DENND2B: variants seen among roughly 807,000 people sequenced by gnomAD.
DENND2B encodes the protein DENN domain containing 2B.
In DENND2B, 32 loss-of-function variants were observed where a neutral mutation model predicts 116.0. That is an observed-to-expected ratio of 0.28 (90% CI 0.21 to 0.37). DENND2B has a LOEUF of 0.37. Among genes scored for constraint, DENND2B ranks in the 10% least tolerant of loss-of-function variants. The pLI is 1.00. For synonymous variants in DENND2B, 588 were observed against 583.9 expected (o/e 1.01, Z -0.10); for missense variants, 1,276 against 1,477.7 (o/e 0.86, Z 2.24).
At chr11:8,787,258 C>G (rs1251480484) in intron 1 of DENND2B, 2 of 152,122 alleles carry the variant, frequency 1.3e-5, no homozygotes, top group Non-Finnish European at 2.9e-5. Context: ...AAAATATGCT[C>G]TATGCTATAA....
chr11:8,790,825 G>T (rs1053345102), intron 1 of DENND2B, among the ~76,000 whole-genome samples: 1 of 152,072 alleles, frequency 6.6e-6, no homozygotes, highest in Non-Finnish European at 1.5e-5. Flanking sequence ...AATGATGCTC[G>T]CTAAATCCTG....
chr11:8,827,254 G>C (rs1409385761), intron 4 of DENND2B, among the ~76,000 whole-genome samples: 1 of 152,246 alleles, frequency 6.6e-6, no homozygotes, highest in Non-Finnish European at 1.5e-5. Flanking sequence ...AGAGGAGGAA[G>C]GCAGAGTGAA....
upstream of DENND2B, among the ~76,000 whole-genome samples, chr11:8,873,984 G>A (rs1259486791): frequency 1.3e-5 from 2 of 152,192 alleles, no homozygotes; most frequent in East Asian, 3.8e-4. Flanking sequence ...GCGCTTGTAG[G>A]AGGAATTTGG....
At chr11:8,826,872 A>T (rs531019461) in intron 4 of DENND2B, among the ~76,000 whole-genome samples, 1 of 152,340 alleles carries the variant, frequency 6.6e-6, no homozygotes, top group Admixed American at 6.5e-5. Context: ...AGAGATCAAC[A>T]TTGAACAACC....
intron 2 of DENND2B, among the ~76,000 whole-genome samples, chr11:8,734,137 C>G (rs1234401454): frequency 6.6e-6 from 1 of 152,208 alleles, no homozygotes; most frequent in Non-Finnish European, 1.5e-5. Flanking sequence ...GGGTGACATT[C>G]TCACTTGAGG....
intron 1 of DENND2B, among the ~76,000 whole-genome samples, chr11:8,761,344 T>C (rs1226237401): frequency 6.6e-6 from 1 of 152,156 alleles, no homozygotes; most frequent in African/African-American, 2.4e-5. Flanking sequence ...TTGTCACCAC[T>C]TGGAAAAAGG....
intron 11 of DENND2B, 152 bp downstream of exon 11, chr11:8,710,693 G>A (rs1018036332): frequency 1.2e-5 from 9 of 773,892 alleles, no homozygotes; most frequent in African/African-American, 6.9e-5. Flanking sequence ...TTGGCAGGGG[G>A]TTCGGGGTGG....
Position 8,731,041 on chromosome 11 carries a change from G to A in DENND2B, c.249C>T (p.Pro83=), listed in dbSNP as rs971044535. Residue 83 remains proline (P), a synonymous_variant, in exon 3 of 20, where the codon CCC becomes CCT. Transcript: ENST00000313726. ...AGGTGGGTGGGGAAGTATCTGGGGA[G>A]GGATCTTGAGGATTCTGGGGTGAAG... is the stretch of plus-strand genomic sequence containing the variant. ...PAPSPQNPQD[P]SPDTSPPTCP... 63 of 1,614,000 alleles carry A rather than the reference G, an allele frequency of 3.9e-5. No homozygotes were observed. Among genetic ancestry groups the A allele is most frequent in the Non-Finnish European group, 5.3e-5 (63 of 1,180,018 alleles).
At chr11:8,714,769 G>T in intron 6 of DENND2B, 63 bp from the exon 7 acceptor site, 1 of 1,398,596 alleles carries the variant, frequency 7.2e-7, no homozygotes, top group Admixed American at 1.7e-5. Flanking sequence ...TTCCAAGAAG[G>T]CTGAGTAGGA....
chr11:8,733,819 G>T (rs2048503619), intron 2 of DENND2B, among the ~76,000 whole-genome samples: 1 of 152,184 alleles, frequency 6.6e-6, no homozygotes, highest in Non-Finnish European at 1.5e-5. Flanking sequence ...AATCCTCACA[G>T]GTTAAGAACT....
At chr11:8,769,315 G>A (rs766428948) in intron 1 of DENND2B, among the ~76,000 whole-genome samples, 2 of 148,076 alleles carry the variant, frequency 1.4e-5, no homozygotes. Flanking sequence ...TCAGCTCCCC[G>A]CAACCTCTGC....
chr11:8,771,564 A>AG (rs1488497098), intron 1 of DENND2B: 1 of 135,396 alleles, frequency 7.4e-6, no homozygotes, highest in East Asian at 2.2e-4. Flanking sequence ...AGAGAGAGAG[A>AG]GAGCCTTCTT....
At chr11:8,820,973 T>A (rs1417141233) in intron 4 of DENND2B, among the ~76,000 whole-genome samples, 1 of 151,490 alleles carries the variant, frequency 6.6e-6, no homozygotes, top group African/African-American at 2.4e-5. Flanking sequence ...AATACAAAAA[T>A]TAGCCAGGCA....
Position 8,886,826 on chromosome 11 carries a change from C to CT in DENND2B, c.-255-5718dup, listed in dbSNP as rs1297332291. 4.6e-5 allele frequency among the ~76,000 whole-genome samples: 7 copies of CT among 151,386 alleles called. No homozygotes were observed. In the East Asian group the frequency reaches 7.8e-4, roughly 17 times the overall value. ...CATCATGATTTTGGTGAAGATTTATCTTTTTTTTTGGCAGGGGTGTAGACA... is the reference window on the plus strand; with the variant it reads ...CATCATGATTTTGGTGAAGATTTATCTTTTTTTTTTGGCAGGGGTGTAGACA... On this transcript the variant is annotated intron_variant, in intron 1 of 22. Coordinates refer to the DENND2B transcript ENST00000534127.
At position 8,726,190 on chromosome 11, in the gene DENND2B, C is replaced by G. The variant is rs754231435; in HGVS notation, c.1360G>C (p.Asp454His). 6.2e-7 allele frequency: 1 copy of G among 1,610,802 alleles called. No individual in the cohort carries two copies. Among genetic ancestry groups the G allele is most frequent in the Non-Finnish European group, 8.5e-7 (1 of 1,178,576 alleles). ...SQSRKSFEFEDASSLQSLYPS... is the reference protein window; with the variant it reads ...SQSRKSFEFEHASSLQSLYPS... The stretch of plus-strand genomic sequence containing the variant: ...TACAGGGACTGGAGACTGGATGCAT[C>G]CTCAAACTCAAAGGATTTTCTGTGG... Residue 454 changes from aspartate to histidine, a missense_variant, in exon 4 of 20, where the codon GAT becomes CAT. By Grantham distance (81) the Asp-to-His change is moderately conservative. This residue lies in a region of DENND2B where 856 missense variants were observed against 846.6 expected (regional missense o/e 1.01). Coordinates refer to ENST00000313726, the MANE Select transcript of DENND2B (RefSeq NM_213618.2).
At chr11:8,806,640 C>CACACACACACACACACACACA (rs1555201307) in intron 1 of DENND2B, among the ~76,000 whole-genome samples, 13 of 9,296 alleles carry the variant, frequency 1.4e-3, no homozygotes, top group South Asian at 4.7e-3. Context: ...ACACACACAC[C>CACACACACACACACACACACA]CAGGAGAGCT....
intron 1 of DENND2B, among the ~76,000 whole-genome samples, chr11:8,765,745 A>C (rs1453865202): frequency 6.6e-6 from 1 of 152,178 alleles, no homozygotes; most frequent in East Asian, 1.9e-4. Flanking sequence ...CAATTGTTTA[A>C]ACCTACTTAA....
intron 4 of DENND2B, among the ~76,000 whole-genome samples, chr11:8,723,408 T>C (rs1357875126): frequency 6.6e-6 from 1 of 152,146 alleles, no homozygotes; most frequent in African/African-American, 2.4e-5. Context: ...GGGGCAATGT[T>C]TGGGGGGCAG....
chr11:8,707,184 T>G lies in DENND2B; in HGVS notation c.2472A>C (p.Ala824=). 2 of 1,613,628 alleles carry G rather than the reference T, an allele frequency of 1.2e-6. No individual in the cohort carries two copies. Among genetic ancestry groups the G allele is most frequent in the Non-Finnish European group, 1.7e-6 (2 of 1,179,724 alleles). The change falls in exon 13 of 20, where the codon GCA becomes GCC. Residue 824 remains alanine, a synonymous_variant. Transcript: ENST00000313726. The surrounding 1 kb of genome is among the most constrained non-coding windows in gnomAD (Gnocchi z 4.8). ...GACTTCTCATGAAAGGATAGACCAATGCAGCGGAGATCCCACGCCGGCGCT... is the reference window on the plus strand; with the variant it reads ...GACTTCTCATGAAAGGATAGACCAAGGCAGCGGAGATCCCACGCCGGCGCT... ...EVERRRGISA[A]LVYPFMRSLM...
Sources: allele counts gnomAD v4.1 joint callset (sites outside exome capture counted in the v4.1 genomes callset), GRCh38; gene constraint gnomAD v4.1.1; regional missense constraint gnomAD v4.1.1; non-coding constraint Gnocchi (gnomAD v3.1); transcripts MANE v1.5; gene names NCBI Gene and HGNC (gene_info 2026-07-23, HGNC 2026-07-21).